Variants in CACNA2D4 observed in about 807,000 individuals in gnomAD.
CACNA2D4 encodes the protein voltage-dependent calcium channel subunit alpha-2/delta-4.
Under a neutral mutation model 163.8 loss-of-function variants are expected in CACNA2D4, and 157 were observed. The ratio of observed to expected loss-of-function variants is 0.96; its 90% CI spans 0.84 to 1.09. The LOEUF is 1.09. CACNA2D4 is among the 50% of genes least tolerant of loss of function. The pLI, the probability that CACNA2D4 is intolerant of heterozygous loss-of-function variation, is 0.00. For synonymous variants in CACNA2D4, 598 were observed against 586.9 expected, an observed-to-expected ratio of 1.02 and a Z score of -0.27; for missense variants, 1,410 against 1,479.9, an observed-to-expected ratio of 0.95 and a Z score of 0.78.
At chr12:1,895,546 A>T (rs1866382803) in intron 6 of CACNA2D4, among the ~76,000 whole-genome samples, 1 of 152,180 alleles carries the variant, frequency 6.6e-6, no homozygotes, top group Non-Finnish European at 1.5e-5. Context: ...ATAAAAACAG[A>T]CCCAAAGACC....
At chr12:1,899,735 C>A (rs534615995) in intron 6 of CACNA2D4, among the ~76,000 whole-genome samples, 18 of 152,066 alleles carry the variant, frequency 1.2e-4, no homozygotes, top group African/African-American at 4.3e-4. Context: ...TCAAATACTT[C>A]CAAAAACCAG....
rs1373356075 is a variant in CACNA2D4 at position 1,793,681 on chromosome 12, C to T, written c.3388G>A (p.Gly1130Arg). The T allele has an allele frequency of 2.5e-6, 4 of 1,613,844 alleles. No homozygotes were observed. In the Admixed American group the frequency reaches 5.0e-5, roughly 20 times the overall value. Residue 1130 changes from glycine (G) to arginine (R), a missense_variant, in exon 38 of 38, where the codon GGG (glycine) becomes AGG (arginine). Coordinates refer to ENST00000382722, the MANE Select transcript of CACNA2D4 (RefSeq NM_172364.5). ...CACCGCAGGAGTTGGGGCAGTAGCCCCCAGGCACACACAGGCAGCAGGAGT... is the reference window on the plus strand; with the variant it reads ...CACCGCAGGAGTTGGGGCAGTAGCCTCCAGGCACACACAGGCAGCAGGAGT... ...PLLLLPVCAW[G>R]LLPQLLR
intron 13 of CACNA2D4, among the ~76,000 whole-genome samples, chr12:1,880,476 C>T (rs1865970787): frequency 6.6e-6 from 1 of 152,274 alleles, no homozygotes; most frequent in Admixed American, 6.5e-5. Flanking sequence ...CCCTTGCCAC[C>T]TCTAGACGGC....
intron 37 of CACNA2D4, among the ~76,000 whole-genome samples, chr12:1,794,115 C>T (rs1007264299): frequency 5.9e-5 from 9 of 152,198 alleles, no homozygotes; most frequent in Non-Finnish European, 1.2e-4. Flanking sequence ...GGTCTGGGTT[C>T]TGGATCCGTA....
Position 1,884,287 on chromosome 12 carries a change from A to G in CACNA2D4, c.1307T>C (p.Val436Ala). The change falls in exon 12 of 38, where the codon GTG (valine) becomes GCG (alanine). Residue 436 changes from valine (V) to alanine (A), a missense_variant. Coordinates refer to ENST00000382722, the MANE Select transcript of CACNA2D4 (RefSeq NM_172364.5). ...CCACTTCATGCGGTCAGCAAAAGACACTTCTCTCCCAATGAGGTAAGTGAA... is the reference window on the plus strand; with the variant it reads ...CCACTTCATGCGGTCAGCAAAAGACGCTTCTCTCCCAATGAGGTAAGTGAA... Reference protein sequence around the residue: ...RVFTYLIGREVSFADRMKWIA... With the variant: ...RVFTYLIGREASFADRMKWIA... 6.2e-7 allele frequency: 1 copy of G among 1,612,618 alleles called. No homozygotes were observed.
At chr12:1,837,523 G>A (rs1207953082) in intron 26 of CACNA2D4, among the ~76,000 whole-genome samples, 2 of 152,064 alleles carry the variant, frequency 1.3e-5, no homozygotes, top group Admixed American at 6.5e-5. Context: ...CTCAACGCCC[G>A]GCCCGAGAAC....
intron 6 of CACNA2D4, among the ~76,000 whole-genome samples, chr12:1,904,622 T>C (rs1866612639): frequency 6.6e-6 from 1 of 152,054 alleles, no homozygotes. Context: ...GATAAGGAGC[T>C]GTAAAGGAGC....
chr12:1,860,995 C>A (rs761893598), intron 18 of CACNA2D4, among the ~76,000 whole-genome samples: 11 of 152,208 alleles, frequency 7.2e-5, no homozygotes, highest in Non-Finnish European at 1.0e-4. Context: ...CTCTCTTGCA[C>A]GAGGCTGCCG....
intron 6 of CACNA2D4, among the ~76,000 whole-genome samples, chr12:1,899,327 A>G (rs1179476943): frequency 1.3e-5 from 2 of 152,056 alleles, no homozygotes; most frequent in Non-Finnish European, 2.9e-5. Context: ...GCTAAGATAG[A>G]TGAAATAGAA....
chr12:1,862,293 A>G (rs1015778026), intron 18 of CACNA2D4, among the ~76,000 whole-genome samples: 1 of 152,248 alleles, frequency 6.6e-6, no homozygotes, highest in East Asian at 1.9e-4. Flanking sequence ...ACAACTGCCA[A>G]TTTCCCAAAG....
At chr12:1,872,526 G>A (rs888108558) in intron 18 of CACNA2D4, among the ~76,000 whole-genome samples, 1 of 152,184 alleles carries the variant, frequency 6.6e-6, no homozygotes, top group Non-Finnish European at 1.5e-5. Flanking sequence ...AAACCAGCTC[G>A]TAAGTTGAGA....
In CACNA2D4 at chr12:1,878,175, T is replaced by A; in HGVS notation, c.1719+140A>T. 1 of 946,800 alleles carries A rather than the reference T, an allele frequency of 1.1e-6. No homozygotes were observed. The highest frequency in any genetic ancestry group is 1.6e-6 in the Non-Finnish European group (1 of 607,884). 58.6% of individuals were successfully genotyped at this position (946,800 alleles called of 1,614,324 possible). A position where few individuals can be genotyped will look rare whatever the true frequency, so the allele number is the denominator to read the frequency against. ...ACAACTTGAAAACAGGGACCATGAC[T>A]CGAATACATTTTTTTTCTCATATTA... On this transcript the variant is annotated intron_variant, in intron 16 of 37. Coordinates refer to ENST00000382722, the MANE Select transcript of CACNA2D4 (RefSeq NM_172364.5). This position sits in a 1 kb window ranked among gnomAD's most constrained non-coding sequence, Gnocchi z 4.6.
intron 29 of CACNA2D4, chr12:1,809,486 T>C (rs1439742989): frequency 2.9e-6 from 2 of 700,750 alleles, no homozygotes; most frequent in Non-Finnish European, 5.2e-6. Context: ...TGCTTCTGCC[T>C]TGCTTCAAGG....
In CACNA2D4 at chr12:1,879,794, G is replaced by C; in HGVS notation, c.1563+10C>G. Reference sequence around the variant, plus strand: ...TCCCTGCTACAACGTCTCCAGGAGCGGCCACTCACCGTTTCGTTCTTCTTG... The same window carrying C: ...TCCCTGCTACAACGTCTCCAGGAGCCGCCACTCACCGTTTCGTTCTTCTTG... On this transcript the variant is annotated intron_variant, in intron 14 of 37. Coordinates refer to ENST00000382722, the MANE Select transcript of CACNA2D4 (RefSeq NM_172364.5). The C allele has an allele frequency of 1.9e-6, 3 of 1,588,992 alleles. No individual in the cohort carries two copies. Among genetic ancestry groups the C allele is most frequent in the Non-Finnish European group, 2.6e-6 (3 of 1,166,444 alleles).
At chr12:1,797,784 GCTTCCT>G (rs1863180206) in intron 34 of CACNA2D4, 1 of 562,454 alleles carries the variant, frequency 1.8e-6, no homozygotes, top group Non-Finnish European at 3.2e-6. Flanking sequence ...GAGGGAAAGC[GCTTCCT>G]CTGGGGAGCC....
chr12:1,894,938 A>G (rs1866366718), intron 6 of CACNA2D4, among the ~76,000 whole-genome samples: 1 of 152,230 alleles, frequency 6.6e-6, no homozygotes, highest in Admixed American at 6.5e-5. Flanking sequence ...GAAAAGAGGA[A>G]GTCAAACTAC....
At chr12:1,795,939 C>A in intron 35 of CACNA2D4, 159 bp from the exon 36 acceptor site, 1 of 628,804 alleles carries the variant, frequency 1.6e-6, no homozygotes, top group Non-Finnish European at 2.9e-6. Context: ...ACGGGCCTGG[C>A]AGATGGCTCA....
chr12:1,913,117 C>T lies in CACNA2D4; in HGVS notation c.332G>A (p.Ser111Asn). The change falls in exon 3 of 38, where the codon AGT becomes AAT. Residue 111 changes from serine (S) to asparagine (N), a missense_variant. Ser to Asn is a conservative substitution (Grantham distance 46, BLOSUM62 1). Coordinates refer to ENST00000382722, the MANE Select transcript of CACNA2D4 (RefSeq NM_172364.5). ...GCCATCCACCTCCTCGATCTTCAGA[C>T]TGGACTCCACATCCTTGTACTTCTG... ...LQKKYKDVES[S>N]LKIEEVDGLE... 1.9e-6 allele frequency: 3 copies of T among 1,613,374 alleles called. No individual in the cohort carries two copies. The African/African-American group carries it at 4.0e-5, about 21-fold the overall frequency.
chr12:1,908,024 T>G lies in CACNA2D4; in HGVS notation c.500A>C (p.Asn167Thr). ...GTCCCTCTCGTTGATCAGGACCGAG[T>G]TGTAATAGTCGAACTGGGGTGGACG... ...FNESLVFDYY[N>T]SVLINERDEK... The change falls in exon 5 of 38, where the codon AAC becomes ACC. Residue 167 changes from asparagine (N) to threonine (T), a missense_variant. Coordinates refer to ENST00000382722, the MANE Select transcript of CACNA2D4 (RefSeq NM_172364.5). The G allele has an allele frequency of 6.2e-7, 1 of 1,612,826 alleles. No homozygotes were observed. Among genetic ancestry groups the G allele is most frequent in the South Asian group, 1.1e-5 (1 of 90,982 alleles).
Sources: allele counts gnomAD v4.1 joint callset (sites outside exome capture counted in the v4.1 genomes callset), GRCh38; gene constraint gnomAD v4.1.1; non-coding constraint Gnocchi (gnomAD v3.1); transcripts MANE v1.5; gene names NCBI Gene and HGNC (gene_info 2026-07-23, HGNC 2026-07-21).